The following STEAP4 variants were observed in gnomAD, a reference collection of about 807,000 sequenced individuals.
STEAP4 encodes the protein metalloreductase STEAP4.
STEAP4 carries 36 observed loss-of-function variants against 43.6 expected under a neutral mutation model. The observed-to-expected ratio is 0.83, with a 90% confidence interval of 0.63 to 1.09. The LOEUF (loss-of-function observed/expected upper bound fraction) is 1.09, where lower values mean the gene tolerates loss of function less well. Among genes scored for constraint, STEAP4 ranks in the 50% least tolerant of loss-of-function variants. STEAP4 has a pLI of 0.00. For missense variants in STEAP4, 495 were observed against 546.5 expected (o/e 0.91, Z 0.94); for synonymous variants, 191 against 196.7 (o/e 0.97, Z 0.24).
Position 88,278,515 on chromosome 7 carries a change from T to C in STEAP4, c.*883A>G, listed in dbSNP as rs537468300. The C allele has an allele frequency of 6.6e-6, 1 of 152,356 alleles. No homozygotes were observed. The highest frequency in any genetic ancestry group is 6.5e-5 in the Admixed American group (1 of 15,300). The allele number at this position is 152,356 out of a possible 1,614,324, so 9.4% of individuals were successfully genotyped here. ...AATATAAAATTTACAAAGCATATTA[T>C]AATACCTAAATAATACTTAACCTAA... is the stretch of plus-strand genomic sequence containing the variant. On this transcript the variant is annotated 3_prime_UTR_variant, in exon 5 of 5. Transcript: ENST00000380079.
chr7:88,279,484 C>T lies in STEAP4; in HGVS notation c.1294G>A (p.Val432Met). The T allele has an allele frequency of 6.2e-7, 1 of 1,614,106 alleles. No individual in the cohort carries two copies. The highest frequency in any genetic ancestry group is 8.5e-7 in the Non-Finnish European group (1 of 1,180,016). ...LGLIIPCTVL[V>M]IKFVLIMPCV... is the part of the protein sequence containing the mutation. ...GGCATGATTAGGACAAACTTGATCA[C>T]CAGCACAGTGCAAGGAATGATAAGC... is the stretch of plus-strand genomic sequence containing the variant. Residue 432 changes from valine to methionine, a missense_variant, in exon 5 of 5, where the codon GTG (valine) becomes ATG (methionine). Coordinates refer to ENST00000380079, the MANE Select transcript of STEAP4 (RefSeq NM_024636.4).
In STEAP4 at chr7:88,299,042, T is replaced by C. The variant is rs552158135; in HGVS notation, c.-3+7750A>G. Among the ~76,000 whole-genome samples, 6 of 152,328 alleles carry C rather than the reference T, an allele frequency of 3.9e-5. No individual in the cohort carries two copies. In the East Asian group the frequency reaches 1.2e-3, roughly 29 times the overall value. On this transcript the variant is annotated intron_variant, in intron 1 of 4. Coordinates refer to ENST00000380079, the MANE Select transcript of STEAP4 (RefSeq NM_024636.4). The stretch of plus-strand genomic sequence containing the variant: ...TGCTAACAACTAGCTATGAACTAAC[T>C]ATGTCATATGCGGCAACTAAAGTGA...
chr7:88,294,957 C>A (rs1167710425), intron 1 of STEAP4, among the ~76,000 whole-genome samples: 1 of 152,062 alleles, frequency 6.6e-6, no homozygotes, highest in Non-Finnish European at 1.5e-5. Context: ...ATTGTTTATG[C>A]ACACCATTAG....
At chr7:88,287,369 G>A (rs951721131) in intron 1 of STEAP4, among the ~76,000 whole-genome samples, 6 of 152,114 alleles carry the variant, frequency 3.9e-5, no homozygotes, top group Non-Finnish European at 8.8e-5. Context: ...AATCCTGGTC[G>A]AGCCCCCAAA....
Position 88,274,402 on chromosome 7 carries a change from C to T in STEAP4, c.*4996G>A, listed in dbSNP as rs1418168964. 4 of 152,210 alleles carry T rather than the reference C, an allele frequency of 2.6e-5. No individual in the cohort carries two copies. Among genetic ancestry groups the T allele is most frequent in the Admixed American group, 2.0e-4 (3 of 15,276 alleles). The allele number at this position is 152,210 out of a possible 1,614,324, so 9.4% of individuals were successfully genotyped here. A position where few individuals can be genotyped will look rare whatever the true frequency, so the allele number is the denominator to read the frequency against. On this transcript the variant is annotated 3_prime_UTR_variant, in exon 5 of 5. Coordinates refer to ENST00000380079, the MANE Select transcript of STEAP4 (RefSeq NM_024636.4). Reference sequence around the variant, plus strand: ...GCAAGAGCACTGTCTTGCTCTTCCACACTCCCCTTTTCTCAGTCCCTTTGC... The same window carrying T: ...GCAAGAGCACTGTCTTGCTCTTCCATACTCCCCTTTTCTCAGTCCCTTTGC...
chr7:88,279,410 G>A lies in STEAP4; in HGVS notation c.1368C>T (p.Asn456=). The A allele has an allele frequency of 6.2e-7, 1 of 1,613,758 alleles. No individual in the cohort carries two copies. The highest frequency in any genetic ancestry group is 8.5e-7 in the Non-Finnish European group (1 of 1,179,856). Residue 456 remains asparagine (N), a synonymous_variant, in exon 5 of 5, where the codon AAC becomes AAT. Transcript: ENST00000380079. ...LTRIRQGWER[N]SKH is the part of the protein sequence containing the mutation. The stretch of plus-strand genomic sequence containing the variant: ...TTCAATGCTTTTTCTAGTGTTTTGA[G>A]TTCCTTTCCCAGCCCTGGCGGATCC...
intron 1 of STEAP4, 71 bp from the exon 2 acceptor site, chr7:88,284,342 A>T: frequency 9.3e-7 from 1 of 1,080,724 alleles, no homozygotes; most frequent in Non-Finnish European, 1.3e-6. Context: ...AGAGAGCTAT[A>T]TTCAAGAAGT....
At chr7:88,296,080 C>T (rs546798323) in intron 1 of STEAP4, among the ~76,000 whole-genome samples, 1 of 152,098 alleles carries the variant, frequency 6.6e-6, no homozygotes, top group African/African-American at 2.4e-5. Context: ...CCATAACTCT[C>T]TCAAGGAAAC....
chr7:88,283,265 G>T, intron 2 of STEAP4, 97 bp from the exon 3 acceptor site: 1 of 1,252,558 alleles, frequency 8.0e-7, no homozygotes, highest in Non-Finnish European at 1.1e-6. Flanking sequence ...AAATGATGAC[G>T]TAAAACAGTG....
intron 1 of STEAP4, among the ~76,000 whole-genome samples, chr7:88,289,038 A>AT (rs947645127): frequency 1.9e-4 from 29 of 149,938 alleles, no homozygotes; most frequent in African/African-American, 6.1e-4. Context: ...TTAATCTTTT[A>AT]TTTTTTTTGG....
At chr7:88,283,389 G>C in intron 2 of STEAP4, 1 of 520,926 alleles carries the variant, frequency 1.9e-6, no homozygotes, top group Non-Finnish European at 3.3e-6. Flanking sequence ...ATGGTTTTAG[G>C]CACATCACAC....
chr7:88,300,625 A>G (rs762187416), intron 1 of STEAP4, among the ~76,000 whole-genome samples: 33 of 152,186 alleles, frequency 2.2e-4, no homozygotes, highest in Non-Finnish European at 2.9e-5. Flanking sequence ...AATCAGTCAC[A>G]GTAGGAGTTT....
At position 88,277,526 on chromosome 7, in the gene STEAP4, G is replaced by T. The variant is rs1453172451; in HGVS notation, c.*1872C>A. On this transcript the variant is annotated 3_prime_UTR_variant, in exon 5 of 5. Transcript: ENST00000380079. ...GTCTACATGTTTAATAAGGAAAGAG[G>T]TTTGAAAAATGCCTATTTGATGTGA... 1 of 152,092 alleles carries T rather than the reference G, an allele frequency of 6.6e-6. No homozygotes were observed. Among genetic ancestry groups the T allele is most frequent in the African/African-American group, 2.4e-5 (1 of 41,408 alleles). The allele number at this position is 152,092 out of a possible 1,614,324, so 9.4% of individuals were successfully genotyped here.
chr7:88,285,903 T>C (rs1852725329), intron 1 of STEAP4, among the ~76,000 whole-genome samples: 2 of 152,130 alleles, frequency 1.3e-5, no homozygotes, highest in Non-Finnish European at 2.9e-5. Flanking sequence ...GATTATTTAA[T>C]AGCTAATGTT....
chr7:88,284,396 A>C (rs1016811473), intron 1 of STEAP4, 125 bp from the exon 2 acceptor site: 5 of 740,448 alleles, frequency 6.8e-6, no homozygotes, highest in Admixed American at 3.5e-5. Flanking sequence ...AACTATATTT[A>C]CCCCCAAATT....
chr7:88,292,635 T>C (rs958965323), intron 1 of STEAP4: 2 of 152,172 alleles, frequency 1.3e-5, no homozygotes. Flanking sequence ...TTTTATCTCA[T>C]GTGTATGCTC....
rs546618728 is a variant in STEAP4 at position 88,271,432 on chromosome 7, T to C, written c.*7966A>G. 6.6e-6 allele frequency: 1 copy of C among 152,336 alleles called. No individual in the cohort carries two copies. The highest frequency in any genetic ancestry group is 2.1e-4 in the South Asian group (1 of 4,826). The allele number at this position is 152,336 out of a possible 1,614,324, so 9.4% of individuals were successfully genotyped here. On this transcript the variant is annotated 3_prime_UTR_variant, in exon 5 of 5. Transcript: ENST00000380079. Reference sequence around the variant, plus strand: ...CTATATATGTTATTTTGTACCTTTTTAAAAACTGAACAGTATATTTTGGAC... The same window carrying C: ...CTATATATGTTATTTTGTACCTTTTCAAAAACTGAACAGTATATTTTGGAC...
Position 88,282,768 on chromosome 7 carries a change from C to A in STEAP4, c.857G>T (p.Trp286Leu). Residue 286 changes from tryptophan (W) to leucine (L), a missense_variant, in exon 3 of 5, where the codon TGG becomes TTG. Trp to Leu is a moderately conservative substitution (Grantham distance 61). Coordinates refer to ENST00000380079, the MANE Select transcript of STEAP4 (RefSeq NM_024636.4). ...YRRFPDWLDH[W>L]MLCRKQLGLV... is the part of the protein sequence containing the mutation. The stretch of plus-strand genomic sequence containing the variant: ...GCCAAGCTGCTTTCGGCAAAGCATC[C>A]AGTGGTCAAGCCAGTCTGGGAATCG... 2 of 1,614,072 alleles carry A rather than the reference C, an allele frequency of 1.2e-6. No individual in the cohort carries two copies. Among genetic ancestry groups the A allele is most frequent in the Non-Finnish European group, 1.7e-6 (2 of 1,180,014 alleles).
chr7:88,283,387 A>G (rs994052550), intron 2 of STEAP4: 14 of 526,962 alleles, frequency 2.7e-5, no homozygotes, highest in Non-Finnish European at 4.2e-5. Context: ...TGATGGTTTT[A>G]GGCACATCAC....
Sources: allele counts gnomAD v4.1 joint callset (sites outside exome capture counted in the v4.1 genomes callset), GRCh38; gene constraint gnomAD v4.1.1; transcripts MANE v1.5; gene names NCBI Gene and HGNC (gene_info 2026-07-23, HGNC 2026-07-21).